Variants in NOL10 observed in about 807,000 individuals in gnomAD.
NOL10 encodes the protein H_NH0074G24.1.
Under a neutral mutation model 103.5 loss-of-function variants are expected in NOL10, and 58 were observed. The observed-to-expected ratio is 0.56, with a 90% CI of 0.45 to 0.70. The LOEUF is 0.70. Ranked by LOEUF, NOL10 falls within the 30% of genes least tolerant of loss-of-function variation. The pLI is 0.00. For synonymous variants in NOL10, 287 were observed against 282.5 expected, an observed-to-expected ratio of 1.02 and a Z score of -0.16; for missense variants, 763 against 807.3, an observed-to-expected ratio of 0.95 and a Z score of 0.67.
chr2:10,689,256 T>G (rs1196636996), intron 1 of NOL10, among the ~76,000 whole-genome samples: 2 of 152,218 alleles, frequency 1.3e-5, no homozygotes, highest in Non-Finnish European at 2.9e-5. Context: ...ATTACCGACT[T>G]GTCCAAGCCC....
intron 3 of NOL10, among the ~76,000 whole-genome samples, chr2:10,680,604 T>C (rs1194004882): frequency 1.3e-5 from 2 of 152,204 alleles, no homozygotes; most frequent in African/African-American, 4.8e-5. Context: ...CCATGTATCT[T>C]AGATTTCCTC....
chr2:10,597,009 G>C (rs1261427136), intron 17 of NOL10, among the ~76,000 whole-genome samples: 2 of 151,864 alleles, frequency 1.3e-5, no homozygotes, highest in Non-Finnish European at 2.9e-5. Context: ...TTGCCCTGTA[G>C]CCCAGGCTGC....
At chr2:10,621,116 A>T (rs904197384) in intron 13 of NOL10, among the ~76,000 whole-genome samples, 3 of 152,138 alleles carry the variant, frequency 2.0e-5, no homozygotes, top group African/African-American at 7.2e-5. Context: ...TTTTTAGTGA[A>T]GTTTTAGGAT....
chr2:10,615,801 G>A (rs929610280), intron 13 of NOL10, among the ~76,000 whole-genome samples: 4 of 152,116 alleles, frequency 2.6e-5, no homozygotes, highest in Non-Finnish European at 5.9e-5. Flanking sequence ...AATAAAGGGG[G>A]AACAATGGAG....
At chr2:10,669,096 GTTTTT>G (rs1196484836) in intron 6 of NOL10, among the ~76,000 whole-genome samples, 1 of 150,558 alleles carries the variant, frequency 6.6e-6, no homozygotes, top group Non-Finnish European at 1.5e-5. Context: ...CTTTTTTTTT[GTTTTT>G]TTGTTTTTGA....
At chr2:10,626,850 G>A (rs1677502859) in intron 13 of NOL10, among the ~76,000 whole-genome samples, 1 of 152,172 alleles carries the variant, frequency 6.6e-6, no homozygotes, top group African/African-American at 2.4e-5. Context: ...CACAATATAT[G>A]TCATATGTGT....
chr2:10,665,721 G>T (rs1680524078), intron 8 of NOL10, among the ~76,000 whole-genome samples: 1 of 152,146 alleles, frequency 6.6e-6, no homozygotes, highest in African/African-American at 2.4e-5. Flanking sequence ...TTTTCTCAGG[G>T]AAACTCTTGT....
chr2:10,648,086 G>A lies in NOL10; in HGVS notation c.974-3714C>T, dbSNP rs77179833. Reference sequence around the variant, plus strand: ...TGCTGTCTCTTCAAGTGCCCTGACCGGCATGGAGCAGCTGCTCACTGTACA... The same window carrying A: ...TGCTGTCTCTTCAAGTGCCCTGACCAGCATGGAGCAGCTGCTCACTGTACA... On this transcript the variant is annotated intron_variant, in intron 12 of 20. Transcript: ENST00000381685. Among the ~76,000 whole-genome samples the A allele has an allele frequency of 1.1e-4, 17 of 152,286 alleles. No individual in the cohort carries two copies. In the East Asian group the frequency reaches 3.1e-3, roughly 28 times the overall value.
chr2:10,577,145 G>C (rs534442757), intron 20 of NOL10, among the ~76,000 whole-genome samples: 1 of 152,200 alleles, frequency 6.6e-6, no homozygotes, highest in African/African-American at 2.4e-5. Context: ...AGAGTAGTCT[G>C]TCTTCTAAAA....
At chr2:10,642,255 C>T (rs1378672485) in intron 13 of NOL10, among the ~76,000 whole-genome samples, 3 of 152,162 alleles carry the variant, frequency 2.0e-5, no homozygotes, top group Admixed American at 1.3e-4. Context: ...AAGGATGAAT[C>T]GTCTGCAAGT....
At chr2:10,624,303 T>C (rs1472167779) in intron 13 of NOL10, among the ~76,000 whole-genome samples, 1 of 152,064 alleles carries the variant, frequency 6.6e-6, no homozygotes, top group Non-Finnish European at 1.5e-5. Context: ...CTGGTTTTCG[T>C]CGTGCCACTA....
intron 9 of NOL10, among the ~76,000 whole-genome samples, chr2:10,661,107 C>T (rs901331516): frequency 3.3e-5 from 5 of 152,150 alleles, no homozygotes; most frequent in African/African-American, 1.2e-4. Flanking sequence ...TGGAGTTTTG[C>T]TCTTGTTGCC....
chr2:10,598,507 A>G (rs1200205652), intron 17 of NOL10, among the ~76,000 whole-genome samples: 1 of 152,246 alleles, frequency 6.6e-6, no homozygotes, highest in Non-Finnish European at 1.5e-5. Flanking sequence ...CTAAGTCTGT[A>G]GTGAGGGGAC....
chr2:10,675,675 TA>T lies in NOL10; in HGVS notation c.289+118del, dbSNP rs1206850127. On this transcript the variant is annotated intron_variant, in intron 4 of 20. Coordinates refer to ENST00000381685, the MANE Select transcript of NOL10 (RefSeq NM_024894.4). ...ATGTTTTAAGCCATCGGGATTGTAGTACAGTAATTTGTTATACAGCAATAAA... is the reference window on the plus strand; with the variant it reads ...ATGTTTTAAGCCATCGGGATTGTAGTCAGTAATTTGTTATACAGCAATAAA... 3.0e-5 allele frequency: 18 copies of T among 600,868 alleles called. No individual in the cohort carries two copies. In the East Asian group the frequency reaches 5.1e-4, roughly 17 times the overall value. The allele number at this position is 600,868 out of a possible 1,614,324, so 37.2% of individuals were successfully genotyped here.
At chr2:10,618,050 CTTTTT>C (rs1676926958) in intron 13 of NOL10, among the ~76,000 whole-genome samples, 1 of 116,226 alleles carries the variant, frequency 8.6e-6, no homozygotes. Flanking sequence ...TTTTTTTTTT[CTTTTT>C]TATTTGAGAT....
chr2:10,613,993 T>C (rs1366456261), intron 13 of NOL10, among the ~76,000 whole-genome samples: 1 of 150,920 alleles, frequency 6.6e-6, no homozygotes, highest in Non-Finnish European at 1.5e-5. Context: ...GGAGTCTCAC[T>C]CTGTCACCCA....
rs189811943 is a variant in NOL10, at chr2:10,651,749, T to C, written c.973+2732A>G. Among the ~76,000 whole-genome samples, 319 of 152,212 alleles carry C rather than the reference T, an allele frequency of 2.1e-3. 2 individuals are homozygous for C. Among genetic ancestry groups the C allele is most frequent in the African/African-American group, 7.4e-3 (308 of 41,540 alleles). On this transcript the variant is annotated intron_variant, in intron 12 of 20. Transcript: ENST00000381685. ...CCACCTGATTTACTCACTTACCTAC[T>C]TAACCGAGACCCTGGTGTAGGTCAT...
chr2:10,613,678 G>C (rs6432121), intron 13 of NOL10, among the ~76,000 whole-genome samples: 89,973 of 152,032 alleles, frequency 0.59, 27,633 homozygotes, highest in African/African-American at 0.74. Flanking sequence ...CCTAGAAATT[G>C]AATTTAAACT....
chr2:10,580,381 C>T (rs559087590), intron 19 of NOL10, among the ~76,000 whole-genome samples: 3 of 151,638 alleles, frequency 2.0e-5, no homozygotes, highest in Non-Finnish European at 2.9e-5. Flanking sequence ...CTCCCTGCCC[C>T]GCCCCTGCTT....
Sources: allele counts gnomAD v4.1 joint callset (sites outside exome capture counted in the v4.1 genomes callset), GRCh38; gene constraint gnomAD v4.1.1; transcripts MANE v1.5; gene names NCBI Gene and HGNC (gene_info 2026-07-23, HGNC 2026-07-21).